Variants in GRM8 observed in about 807,000 individuals in gnomAD.
GRM8 encodes glutamate metabotropic receptor 8.
In GRM8, 47 loss-of-function variants were observed where a neutral mutation model predicts 87.2. The ratio of observed to expected loss-of-function variants is 0.54; its 90% CI spans 0.43 to 0.69. The LOEUF (loss-of-function observed/expected upper bound fraction) is 0.69, where lower values mean the gene tolerates loss of function less well. Among genes scored for constraint, GRM8 ranks in the 30% least tolerant of loss-of-function variants. The pLI, the probability that GRM8 is intolerant of heterozygous loss-of-function variation, is 0.00. For missense variants in GRM8, 1,019 were observed against 1,139.2 expected, an observed-to-expected ratio of 0.89 and a Z score of 1.52; for synonymous variants, 396 against 404.5, an observed-to-expected ratio of 0.98 and a Z score of 0.25.
chr7:126,673,707 AGTT>A (rs987563624), intron 7 of GRM8, among the ~76,000 whole-genome samples: 6 of 152,150 alleles, frequency 3.9e-5, no homozygotes, highest in African/African-American at 1.4e-4. Context: ...ATAACTTTTT[AGTT>A]GTTATTTTGA....
intron 2 of GRM8, among the ~76,000 whole-genome samples, chr7:127,208,604 G>A (rs913130155): frequency 6.6e-6 from 1 of 152,204 alleles, no homozygotes; most frequent in Non-Finnish European, 1.5e-5. Context: ...GCCGGTCTCT[G>A]CCATGCCTCT....
chr7:126,809,047 C>T (rs565708172), intron 6 of GRM8, among the ~76,000 whole-genome samples: 2,690 of 152,292 alleles, frequency 0.018, 28 homozygotes, highest in Non-Finnish European at 0.03. Flanking sequence ...CCTAGAATCT[C>T]ACAGGGAGAA....
At chr7:126,914,937 A>T (rs991105490) in intron 3 of GRM8, among the ~76,000 whole-genome samples, 1 of 152,204 alleles carries the variant, frequency 6.6e-6, no homozygotes. Flanking sequence ...ATGCTTTTTT[A>T]AAAAAGAAAA....
chr7:127,115,655 CT>C (rs913158760), intron 2 of GRM8, among the ~76,000 whole-genome samples: 33 of 148,312 alleles, frequency 2.2e-4, no homozygotes, highest in Middle Eastern at 3.5e-3. Flanking sequence ...ATTAATAAAC[CT>C]TTTTTTTTTA....
intron 9 of GRM8, among the ~76,000 whole-genome samples, chr7:126,527,614 T>C (rs1369764935): frequency 1.3e-5 from 2 of 152,206 alleles, no homozygotes; most frequent in African/African-American, 2.4e-5. Flanking sequence ...TTTCAGGCTG[T>C]TCTTTTCTCA....
Position 126,533,426 on chromosome 7 carries a change from C to T in GRM8, c.1956G>A (p.Arg652=). The change falls in exon 9 of 11, where the codon CGG becomes CGA. Residue 652 remains arginine (R), a synonymous_variant. Coordinates refer to ENST00000339582, the MANE Select transcript of GRM8 (RefSeq NM_000845.3). ...APDTIICSFR[R]VFLGLGMCFS... is the part of the protein sequence containing the mutation. The stretch of plus-strand genomic sequence containing the variant: ...AACACATGCCAAGTCCTAGGAAGAC[C>T]CGTCGGAAGGAGCATATGATTGTAT... 1 of 1,613,902 alleles carries T rather than the reference C, an allele frequency of 6.2e-7. No homozygotes were observed. Among genetic ancestry groups the T allele is most frequent in the South Asian group, 1.1e-5 (1 of 91,064 alleles).
chr7:126,529,891 C>T (rs1464795823), intron 9 of GRM8, among the ~76,000 whole-genome samples: 1 of 152,200 alleles, frequency 6.6e-6, no homozygotes, highest in East Asian at 1.9e-4. Flanking sequence ...CCTTCCTTCA[C>T]ACCACTTTTC....
intron 7 of GRM8, among the ~76,000 whole-genome samples, chr7:126,710,767 C>T (rs537459461): frequency 7.2e-5 from 11 of 152,304 alleles, no homozygotes; most frequent in South Asian, 2.1e-4. Flanking sequence ...TTCCATTAAT[C>T]GTGAATGTTC....
At chr7:126,699,964 G>A (rs557219496) in intron 7 of GRM8, among the ~76,000 whole-genome samples, 2 of 152,152 alleles carry the variant, frequency 1.3e-5, no homozygotes, top group Non-Finnish European at 2.9e-5. Flanking sequence ...TATAACATCT[G>A]TTCAGAGTAA....
intron 8 of GRM8, among the ~76,000 whole-genome samples, chr7:126,554,417 AAAT>A (rs34731773): frequency 1.6e-4 from 23 of 147,202 alleles, no homozygotes; most frequent in East Asian, 4.0e-4. Flanking sequence ...CAATTTCTAC[AAAT>A]AATAATAATA....
At chr7:126,526,003 G>C (rs144756501) in intron 9 of GRM8, among the ~76,000 whole-genome samples, 1 of 152,134 alleles carries the variant, frequency 6.6e-6, no homozygotes, top group East Asian at 1.9e-4. Flanking sequence ...AAGGTAGGTG[G>C]TACTAACCCA....
At chr7:126,676,616 C>T (rs1054308721) in intron 7 of GRM8, among the ~76,000 whole-genome samples, 2 of 152,118 alleles carry the variant, frequency 1.3e-5, no homozygotes, top group African/African-American at 4.8e-5. Context: ...CAAAAACATA[C>T]ACTAGGGAAA....
intron 7 of GRM8, among the ~76,000 whole-genome samples, chr7:126,687,174 C>G (rs140684324): frequency 6.6e-6 from 1 of 152,206 alleles, no homozygotes; most frequent in Non-Finnish European, 1.5e-5. Flanking sequence ...GTATGTGCCC[C>G]GCTATACCAG....
intron 7 of GRM8, among the ~76,000 whole-genome samples, chr7:126,622,386 C>T (rs1390164417): frequency 6.6e-6 from 1 of 152,134 alleles, no homozygotes; most frequent in Non-Finnish European, 1.5e-5. Context: ...ATGACTTATT[C>T]TCATCCCTCA....
chr7:126,788,182 G>A lies in GRM8; in HGVS notation c.1157-18117C>T, dbSNP rs142336175. 2.8e-3 allele frequency among the ~76,000 whole-genome samples: 426 copies of A among 151,900 alleles called. 6 individuals carry two copies. In the East Asian group the frequency reaches 0.048, roughly 17 times the overall value. On this transcript the variant is annotated intron_variant, in intron 6 of 10. Transcript: ENST00000339582. ...CCCAGCACTTTGGGAGGCCAAGGAG[G>A]GAGGATTACCTGAGGTCAGGATTTT...
chr7:126,987,689 T>G (rs1812244563), intron 3 of GRM8, among the ~76,000 whole-genome samples: 1 of 152,110 alleles, frequency 6.6e-6, no homozygotes, highest in Non-Finnish European at 1.5e-5. Context: ...GGTCTCGATC[T>G]CCTGACCTCG....
chr7:126,626,619 T>A (rs1800721974), intron 7 of GRM8, among the ~76,000 whole-genome samples: 1 of 152,206 alleles, frequency 6.6e-6, no homozygotes, highest in Admixed American at 6.5e-5. Flanking sequence ...ATGGTCAATA[T>A]AAATTACTAA....
intron 8 of GRM8, among the ~76,000 whole-genome samples, chr7:126,590,823 G>C (rs114063362): frequency 2.0e-5 from 3 of 152,124 alleles, no homozygotes; most frequent in Non-Finnish European, 4.4e-5. Flanking sequence ...AACAAATGCT[G>C]AGAGAATATA....
At chr7:126,581,955 G>T (rs1487724208) in intron 8 of GRM8, among the ~76,000 whole-genome samples, 3 of 152,020 alleles carry the variant, frequency 2.0e-5, no homozygotes, top group Non-Finnish European at 4.4e-5. Flanking sequence ...TTTGGGCCTT[G>T]ATATTCCCTA....
Sources: allele counts gnomAD v4.1 joint callset (sites outside exome capture counted in the v4.1 genomes callset), GRCh38; gene constraint gnomAD v4.1.1; transcripts MANE v1.5; gene names NCBI Gene and HGNC (gene_info 2026-07-23, HGNC 2026-07-21).